Variants in BSG observed in about 807,000 individuals in gnomAD.
BSG encodes the protein basigin (Ok blood group), also known as basigin.
A neutral mutation model predicts 43.1 loss-of-function variants in BSG; 37 were observed. That is an observed-to-expected ratio of 0.86 (90% CI 0.66 to 1.13). BSG has a LOEUF of 1.13. Ranked by LOEUF, BSG falls within the 50% of genes most tolerant of loss-of-function variation. The pLI is 0.00. For missense variants in BSG, 599 were observed against 554.2 expected, an observed-to-expected ratio of 1.08 and a Z score of -0.81; for synonymous variants, 309 against 238.7, an observed-to-expected ratio of 1.29 and a Z score of -2.72.
chr19:578,361 C>G (rs1414983996), intron 2 of BSG: 1 of 443,828 alleles, frequency 2.3e-6, no homozygotes, highest in Non-Finnish European at 4.0e-6. Flanking sequence ...CAGGTGGGTC[C>G]TCGTCCTCCC....
intron 1 of BSG, among the ~76,000 whole-genome samples, chr19:573,785 C>G (rs1484086417): frequency 6.6e-6 from 1 of 152,186 alleles, no homozygotes; most frequent in Non-Finnish European, 1.5e-5. Flanking sequence ...GACCCGCATT[C>G]GGTTTCCAGT....
intron 1 of BSG, 24 bp from the exon 2 acceptor site, chr19:577,732 GCCCCAGGCACTAACAAGA>G (rs909116411): frequency 4.4e-5 from 59 of 1,332,096 alleles, no homozygotes; most frequent in Non-Finnish European, 5.7e-5. Context: ...CCTCCCAAGT[GCCCCAGGCACTAACAAGA>G]CCCCACGCGT....
At chr19:582,265 G>T in intron 6 of BSG, 41 bp from the exon 7 acceptor site, 1 of 1,604,314 alleles carries the variant, frequency 6.2e-7, no homozygotes, top group Non-Finnish European at 8.5e-7. Context: ...CTGACAGGCT[G>T]TCCTCTCGTC....
chr19:580,586 G>A (rs1157478104), intron 4 of BSG, 60 bp from the exon 5 acceptor site: 5 of 1,608,276 alleles, frequency 3.1e-6, no homozygotes, highest in Non-Finnish European at 4.2e-6. Flanking sequence ...CCTCCTGCGG[G>A]AGGCCGGGGA....
chr19:581,966 C>T (rs970932596), intron 6 of BSG, among the ~76,000 whole-genome samples: 8 of 152,394 alleles, frequency 5.2e-5, no homozygotes, highest in Admixed American at 4.6e-4. Flanking sequence ...CCTGCCTCCT[C>T]GCGGAGCCCT....
chr19:576,057 C>T (rs546427899), intron 1 of BSG, among the ~76,000 whole-genome samples: 4 of 152,240 alleles, frequency 2.6e-5, no homozygotes, highest in Non-Finnish European at 5.9e-5. Context: ...CGATGCTGCC[C>T]GCTGAGAAGC....
chr19:574,658 C>G (rs945842001), intron 1 of BSG, among the ~76,000 whole-genome samples: 1 of 152,248 alleles, frequency 6.6e-6, no homozygotes, highest in Non-Finnish European at 1.5e-5. Flanking sequence ...CTTCGAGCCT[C>G]TGTCCTGGGC....
intron 1 of BSG, among the ~76,000 whole-genome samples, chr19:574,426 G>T (rs1440152703): frequency 6.6e-6 from 1 of 152,124 alleles, no homozygotes; most frequent in East Asian, 1.9e-4. Context: ...GGTGGCGGGC[G>T]CCTGTAGTCC....
chr19:579,170 G>A (rs572043068), intron 2 of BSG: 9 of 493,622 alleles, frequency 1.8e-5, no homozygotes, highest in Admixed American at 9.2e-5. Flanking sequence ...TCCCAGCCTC[G>A]TGTGTCTCTG....
intron 2 of BSG, 85 bp downstream of exon 2, chr19:578,206 GAC>G: frequency 7.6e-7 from 1 of 1,310,974 alleles, no homozygotes; most frequent in Non-Finnish European, 1.0e-6. Context: ...GTAGAACCCA[GAC>G]GCCTCCTCCC....
chr19:575,980 C>A (rs1025954659), intron 1 of BSG, among the ~76,000 whole-genome samples: 1 of 152,194 alleles, frequency 6.6e-6, no homozygotes, highest in African/African-American at 2.4e-5. Context: ...TACACAGACA[C>A]CAGCATCATC....
chr19:572,966 G>C (rs1290257392), intron 1 of BSG, among the ~76,000 whole-genome samples: 1 of 152,194 alleles, frequency 6.6e-6, no homozygotes, highest in Non-Finnish European at 1.5e-5. Flanking sequence ...GTGTGTGGGC[G>C]TGAAGCTCCC....
chr19:572,921 C>T (rs1391882937), intron 1 of BSG, among the ~76,000 whole-genome samples: 3 of 151,948 alleles, frequency 2.0e-5, no homozygotes, highest in African/African-American at 7.3e-5. Context: ...GCCTGCCGGG[C>T]TCCCCCGGGC....
Position 577,981 on chromosome 19 carries a change from C to T in BSG, c.275C>T (p.Thr92Ile). The T allele has an allele frequency of 1.2e-6, 2 of 1,612,256 alleles. No homozygotes were observed. Among genetic ancestry groups the T allele is most frequent in the Non-Finnish European group, 1.7e-6 (2 of 1,179,720 alleles). Reference sequence around the variant, plus strand: ...ACCTACCACCAGCACGCGGCCAGCACCATCTCCATCGACACGCTCGTGGAG... The same window carrying T: ...ACCTACCACCAGCACGCGGCCAGCATCATCTCCATCGACACGCTCGTGGAG... Reference protein sequence around the residue: ...HATYHQHAASTISIDTLVEED... With the variant: ...HATYHQHAASIISIDTLVEED... The change falls in exon 2 of 9, where the codon ACC becomes ATC. Residue 92 changes from threonine (T) to isoleucine (I), a missense_variant. Physicochemically the swap from Thr to Ile is moderately conservative, Grantham distance 89 (BLOSUM62 -1). Coordinates refer to ENST00000333511, the MANE Select transcript of BSG (RefSeq NM_001728.4).
chr19:573,071 C>T (rs1981423482), intron 1 of BSG, among the ~76,000 whole-genome samples: 1 of 114,036 alleles, frequency 8.8e-6, no homozygotes, highest in African/African-American at 3.7e-5. Context: ...TTGGGGGTGA[C>T]CTGCTTCCTG....
At chr19:577,725 C>G (rs1981895252) in intron 1 of BSG, 49 bp from the exon 2 acceptor site, 1 of 1,321,314 alleles carries the variant, frequency 7.6e-7, no homozygotes, top group Non-Finnish European at 9.7e-7. Flanking sequence ...GAGCTGCCCT[C>G]CCAAGTGCCC....
chr19:581,352 G>T lies in BSG; in HGVS notation c.830G>T (p.Ser277Ile). ...GGCTCCGAGAGCAGGTTCTTCGTGAGTTCCTCGCAGGGCCGGTCAGAGCTA... is the reference window on the plus strand; with the variant it reads ...GGCTCCGAGAGCAGGTTCTTCGTGATTTCCTCGCAGGGCCGGTCAGAGCTA... ...MNGSESRFFV[S>I]SSQGRSELHI... Residue 277 changes from serine to isoleucine, a missense_variant, in exon 6 of 9, where the codon AGT becomes ATT. By Grantham distance (142) the Ser-to-Ile change is moderately radical (BLOSUM62 -2). Coordinates refer to ENST00000333511, the MANE Select transcript of BSG (RefSeq NM_001728.4). 6 of 1,612,796 alleles carry T rather than the reference G, an allele frequency of 3.7e-6. No individual in the cohort carries two copies. Among genetic ancestry groups the T allele is most frequent in the Non-Finnish European group, 5.1e-6 (6 of 1,179,888 alleles).
chr19:575,893 C>T (rs868338727), intron 1 of BSG, among the ~76,000 whole-genome samples: 3 of 152,042 alleles, frequency 2.0e-5, no homozygotes, highest in African/African-American at 4.8e-5. Context: ...GGGGTGGGGG[C>T]GCTCTGCATT....
chr19:579,847 G>T, intron 3 of BSG, 191 bp downstream of exon 3: 1 of 851,082 alleles, frequency 1.2e-6, no homozygotes, highest in Non-Finnish European at 1.7e-6. Flanking sequence ...TGTGAGGCAG[G>T]GGGCTCCAGC....
Sources: allele counts gnomAD v4.1 joint callset (sites outside exome capture counted in the v4.1 genomes callset), GRCh38; gene constraint gnomAD v4.1.1; transcripts MANE v1.5; gene names NCBI Gene and HGNC (gene_info 2026-07-23, HGNC 2026-07-21).